Variants in PIGN observed in about 807,000 individuals in gnomAD.
PIGN encodes GPI ethanolamine phosphate transferase 1.
In PIGN, 117 loss-of-function variants were observed where a neutral mutation model predicts 125.4. The observed-to-expected ratio is 0.93, with a 90% CI of 0.80 to 1.09. The LOEUF (loss-of-function observed/expected upper bound fraction) is 1.09. Ranked by LOEUF, PIGN falls within the 50% of genes least tolerant of loss-of-function variation. The probability of loss-of-function intolerance (pLI) is 0.00; values close to 1 mark genes in which losing one functional copy is unlikely to be tolerated. For synonymous variants in PIGN, 392 were observed against 377.8 expected (o/e 1.04, Z -0.44); for missense variants, 1,075 against 1,094.9 (o/e 0.98, Z 0.26).
chr18:62,105,487 T>C lies in PIGN; in HGVS notation c.1859+56A>G, dbSNP rs1437130375. ...AGATTAGGTTCAAATTTTACAGTGT[T>C]AATTGAGGAAAAAAAAGTGTATTGA... is the stretch of plus-strand genomic sequence containing the variant. On this transcript the variant is annotated intron_variant, in intron 20 of 30. Transcript: ENST00000640252. The C allele has an allele frequency of 1.1e-5, 11 of 981,066 alleles. No individual in the cohort carries two copies. In the East Asian group the frequency reaches 2.6e-4, roughly 23 times the overall value. 60.8% of individuals were successfully genotyped at this position (981,066 alleles called of 1,614,324 possible).
chr18:62,061,511 C>CAAAAAAAA (rs373391589), intron 30 of PIGN, among the ~76,000 whole-genome samples: 5 of 33,236 alleles, frequency 1.5e-4, no homozygotes, highest in African/African-American at 2.5e-4. Flanking sequence ...GACTCCGTCT[C>CAAAAAAAA]AAAAAAAAAA....
intron 23 of PIGN, among the ~76,000 whole-genome samples, chr18:62,094,931 T>TA (rs1008948278): frequency 1.2e-4 from 19 of 152,306 alleles, no homozygotes; most frequent in Admixed American, 5.2e-4. Context: ...CTTAGGGTGT[T>TA]AGAGTCTACT....
At chr18:62,095,759 A>G in intron 23 of PIGN, 89 bp downstream of exon 23, 1 of 726,414 alleles carries the variant, frequency 1.4e-6, no homozygotes, top group Non-Finnish European at 2.4e-6. Flanking sequence ...AACATTTTTT[A>G]TTTCCAGAAG....
At chr18:62,106,311 T>C (rs1175032236) in intron 19 of PIGN, among the ~76,000 whole-genome samples, 2 of 152,016 alleles carry the variant, frequency 1.3e-5, no homozygotes, top group Non-Finnish European at 2.9e-5. Flanking sequence ...TAATTCCCTA[T>C]GTAGCTGAAG....
At chr18:62,157,622 T>C (rs1230850712) in intron 5 of PIGN, 65 bp downstream of exon 5, 2 of 1,400,576 alleles carry the variant, frequency 1.4e-6, no homozygotes, top group Non-Finnish European at 9.9e-7. Context: ...CATGATTAAG[T>C]GGTAAAGGAC....
intron 23 of PIGN, among the ~76,000 whole-genome samples, chr18:62,093,965 T>C (rs1178410907): frequency 2.0e-5 from 3 of 152,136 alleles, no homozygotes; most frequent in Non-Finnish European, 2.9e-5. Flanking sequence ...TGTTGAATAA[T>C]GTATCTCTTA....
intron 14 of PIGN, among the ~76,000 whole-genome samples, chr18:62,130,995 CAGA>C (rs1398628148): frequency 3.9e-5 from 6 of 151,920 alleles, no homozygotes; most frequent in Non-Finnish European, 7.4e-5. Flanking sequence ...ATGTGATGCA[CAGA>C]AGTTTTTTTT....
At position 62,143,339 on chromosome 18, in the gene PIGN, T is replaced by A. The variant is rs747348909; in HGVS notation, c.930A>T (p.Arg310Ser). 6.6e-7 allele frequency: 1 copy of A among 1,518,752 alleles called. No homozygotes were observed. Among genetic ancestry groups the A allele is most frequent in the Admixed American group, 1.8e-5 (1 of 56,038 alleles). The allele number at this position is 1,518,752 out of a possible 1,614,324, so 94.1% of individuals were successfully genotyped here. ...CATCTAGCCTCTTCCAATTCTCCAATCTCCACTCTGAAAGATACAATCAGA... is the reference window on the plus strand; with the variant it reads ...CATCTAGCCTCTTCCAATTCTCCAAACTCCACTCTGAAAGATACAATCAGA... ...QFDDAFLKEW[R>S]LENWKRLDVN... is the part of the protein sequence containing the mutation. The change falls in exon 11 of 31, where the codon AGA becomes AGT. Residue 310 changes from arginine (R) to serine (S), a missense_variant. By Grantham distance (110) the Arg-to-Ser change is moderately radical (BLOSUM62 -1). This residue lies in a region of PIGN where 915 missense variants were observed against 908.7 expected (regional missense o/e 1.01). Coordinates refer to ENST00000640252, the MANE Select transcript of PIGN (RefSeq NM_176787.5).
At chr18:62,082,581 C>G in intron 28 of PIGN, 92 bp downstream of exon 28, 1 of 699,088 alleles carries the variant, frequency 1.4e-6, no homozygotes, top group East Asian at 2.8e-5. Context: ...GTTACAGTGT[C>G]TTAATAGCAA....
intron 30 of PIGN, among the ~76,000 whole-genome samples, chr18:62,053,201 A>G (rs1433889473): frequency 6.6e-6 from 1 of 152,202 alleles, no homozygotes; most frequent in Non-Finnish European, 1.5e-5. Flanking sequence ...GAAGGAGGTA[A>G]GGTTTCCATA....
chr18:62,083,527 C>T (rs2033547438), intron 27 of PIGN, among the ~76,000 whole-genome samples: 1 of 152,062 alleles, frequency 6.6e-6, no homozygotes, highest in Non-Finnish European at 1.5e-5. Flanking sequence ...ACACATCAGT[C>T]AACAAAAGTC....
At chr18:62,161,046 T>C in intron 4 of PIGN, 87 bp downstream of exon 4, 1 of 820,050 alleles carries the variant, frequency 1.2e-6, no homozygotes, top group Non-Finnish European at 2.0e-6. Context: ...CTGTGCCCAG[T>C]GCATGATAAA....
chr18:62,031,274 TC>T (rs2030190327), intron 23 of PIGN, among the ~76,000 whole-genome samples: 1 of 152,282 alleles, frequency 6.6e-6, no homozygotes, highest in Non-Finnish European at 1.5e-5. Context: ...TTGTGAGGCC[TC>T]CCCAGCCATG....
At chr18:62,039,401 T>C (rs2030304933), downstream of PIGN, among the ~76,000 whole-genome samples, 3 of 152,252 alleles carry the variant, frequency 2.0e-5, no homozygotes, top group South Asian at 6.2e-4. Context: ...TTCCATACTT[T>C]ATTCAGATTT....
chr18:62,176,759 G>T (rs1345508084), intron 1 of PIGN, among the ~76,000 whole-genome samples: 1 of 152,038 alleles, frequency 6.6e-6, no homozygotes, highest in Admixed American at 6.6e-5. Flanking sequence ...AAGGGAAACC[G>T]GATGAGAAAA....
chr18:62,141,761 T>C (rs1430249911), intron 11 of PIGN, among the ~76,000 whole-genome samples: 1 of 152,194 alleles, frequency 6.6e-6, no homozygotes, highest in South Asian at 2.1e-4. Flanking sequence ...TTCTTTGAAC[T>C]TTCAGAATTA....
intron 14 of PIGN, chr18:62,123,616 A>G (rs2035392725): frequency 6.6e-6 from 1 of 152,202 alleles, no homozygotes; most frequent in East Asian, 1.9e-4. Context: ...TGAATATCCA[A>G]TTCATTTCAC....
At chr18:62,056,054 TA>T (rs766579368) in intron 30 of PIGN, among the ~76,000 whole-genome samples, 1,898 of 97,858 alleles carry the variant, frequency 0.019, 25 homozygotes, top group East Asian at 0.06. Context: ...TTTTTGCCAC[TA>T]AAAAAAAAAA....
chr18:62,168,065 A>ATGT (rs77441898), intron 1 of PIGN, among the ~76,000 whole-genome samples: 1 of 151,284 alleles, frequency 6.6e-6, no homozygotes, highest in African/African-American at 2.4e-5. Context: ...GTGGTGGCGC[A>ATGT]CCCAACCACT....
Sources: allele counts gnomAD v4.1 joint callset (sites outside exome capture counted in the v4.1 genomes callset), GRCh38; gene constraint gnomAD v4.1.1; regional missense constraint gnomAD v4.1.1; transcripts MANE v1.5; gene names NCBI Gene and HGNC (gene_info 2026-07-23, HGNC 2026-07-21).